ADK: variants seen among roughly 807,000 people sequenced by gnomAD.
The protein encoded by ADK is N6,N6-dimethyladenosine kinase.
Under a neutral mutation model 44.7 loss-of-function variants are expected in ADK, and 24 were observed. That is an observed-to-expected ratio of 0.54 (90% CI 0.39 to 0.76). The LOEUF (loss-of-function observed/expected upper bound fraction) is 0.76, where lower values mean the gene tolerates loss of function less well. Ranked by LOEUF, ADK falls within the 30% of genes least tolerant of loss-of-function variation. ADK has a pLI of 0.00. For missense variants in ADK, 321 were observed against 425.1 expected (o/e 0.76, Z 2.15); for synonymous variants, 128 against 142.6 (o/e 0.90, Z 0.73).
At chr10:74,279,314 G>A (rs1287146484) in intron 3 of ADK, among the ~76,000 whole-genome samples, 1 of 151,618 alleles carries the variant, frequency 6.6e-6, no homozygotes, top group Non-Finnish European at 1.5e-5. Context: ...TTGAGGCCAG[G>A]TGCAGTGGCT....
intron 1 of ADK, among the ~76,000 whole-genome samples, chr10:74,200,040 T>C (rs539676282): frequency 6.6e-6 from 1 of 152,220 alleles, no homozygotes; most frequent in Admixed American, 6.5e-5. Context: ...GGATGGTAAT[T>C]ATATTTTAAG....
intron 3 of ADK, among the ~76,000 whole-genome samples, chr10:74,292,589 C>T (rs576856709): frequency 3.3e-5 from 5 of 152,144 alleles, no homozygotes; most frequent in Non-Finnish European, 5.9e-5. Context: ...AAACCTGTTC[C>T]ACCTGCAGCC....
chr10:74,312,634 C>T (rs1243336372), intron 3 of ADK, among the ~76,000 whole-genome samples: 1 of 151,236 alleles, frequency 6.6e-6, no homozygotes, highest in African/African-American at 2.4e-5. Context: ...GGGCCTGGCT[C>T]CATGGCTTGC....
chr10:74,531,294 C>T (rs1278853226), intron 7 of ADK, among the ~76,000 whole-genome samples: 2 of 152,086 alleles, frequency 1.3e-5, no homozygotes, highest in Non-Finnish European at 2.9e-5. Flanking sequence ...GTCTCATTAG[C>T]AGGTTAAAAT....
Position 74,299,159 on chromosome 10 carries a change from A to G in ADK, c.195-15508A>G, listed in dbSNP as rs548154465. Among the ~76,000 whole-genome samples the G allele has an allele frequency of 7.9e-5, 12 of 152,208 alleles. No homozygotes were observed. In the South Asian group the frequency reaches 2.5e-3, roughly 32 times the overall value. On this transcript the variant is annotated intron_variant, in intron 3 of 10. Coordinates refer to ENST00000539909, the MANE Select transcript of ADK (RefSeq NM_006721.4). ...AAAACACTAATTCAGCATAATCTGA[A>G]GTAGAATCTGTTAAGATGTGTTGCT...
At chr10:74,644,172 G>GTC (rs1853977033) in intron 9 of ADK, among the ~76,000 whole-genome samples, 1 of 152,162 alleles carries the variant, frequency 6.6e-6, no homozygotes, top group Non-Finnish European at 1.5e-5. Context: ...ATATTTTTCT[G>GTC]TCCTTCTGGA....
chr10:74,440,220 A>G (rs1845350501), intron 6 of ADK, among the ~76,000 whole-genome samples: 1 of 152,128 alleles, frequency 6.6e-6, no homozygotes, highest in Non-Finnish European at 1.5e-5. Flanking sequence ...ATAGCTTACC[A>G]CATAGTAATA....
intron 3 of ADK, among the ~76,000 whole-genome samples, chr10:74,306,802 C>T (rs11000978): frequency 0.64 from 97,912 of 151,922 alleles, 32,884 homozygotes; most frequent in Middle Eastern, 0.79. Context: ...CAGTGGTCTC[C>T]GCTCTGAAAC....
intron 10 of ADK, among the ~76,000 whole-genome samples, 172 bp from the exon 11 acceptor site, chr10:74,708,149 C>CG (rs1554901219): frequency 1.3e-3 from 64 of 49,778 alleles, no homozygotes; most frequent in Admixed American, 3.8e-3. Context: ...GACTCCATCT[C>CG]GGGGAAAAAA....
rs142062298 is a variant in ADK, at chr10:74,415,243, C to A, written c.555+16664C>A. On this transcript the variant is annotated intron_variant, in intron 6 of 10. Coordinates refer to ENST00000539909, the MANE Select transcript of ADK (RefSeq NM_006721.4). ...TTATGCAGAGCCCCAAATGAATTAA[C>A]AAATCATCTACTGAAATATTTTCAC... 5.4e-3 allele frequency among the ~76,000 whole-genome samples: 820 copies of A among 152,300 alleles called. 8 individuals are homozygous for A. Among genetic ancestry groups the A allele is most frequent in the African/African-American group, 0.018 (761 of 41,574 alleles).
At chr10:74,458,691 A>C (rs537234067) in intron 6 of ADK, among the ~76,000 whole-genome samples, 23 of 152,238 alleles carry the variant, frequency 1.5e-4, no homozygotes, top group South Asian at 6.2e-4. Flanking sequence ...CACCGGTACT[A>C]TCAGCTTTCA....
chr10:74,708,307 TG>T lies in ADK; in HGVS notation c.965-13del, dbSNP rs746145837. ...TATACAATACTCATGTGTTTTTTTT[TG>T]CCTGTGTTCTAGGTTTTCTGTCTCA... On this transcript the variant is annotated splice_polypyrimidine_tract_variant and intron_variant, in intron 10 of 10. Transcript: ENST00000539909. The T allele has an allele frequency of 6.2e-7, 1 of 1,609,380 alleles. No individual in the cohort carries two copies. Among genetic ancestry groups the T allele is most frequent in the Admixed American group, 1.7e-5 (1 of 59,960 alleles).
chr10:74,594,600 G>A (rs543055440), intron 8 of ADK, among the ~76,000 whole-genome samples: 84 of 147,594 alleles, frequency 5.7e-4, no homozygotes, highest in African/African-American at 2.1e-3. Context: ...TCTCAGACTA[G>A]ATAAAAAAAC....
chr10:74,679,483 T>G (rs1855522280), intron 10 of ADK, among the ~76,000 whole-genome samples: 1 of 152,176 alleles, frequency 6.6e-6, no homozygotes, highest in Non-Finnish European at 1.5e-5. Context: ...CCCTAAAATC[T>G]TTTGGGCAAG....
chr10:74,567,208 T>A (rs1444960985), intron 7 of ADK, among the ~76,000 whole-genome samples: 1 of 152,208 alleles, frequency 6.6e-6, no homozygotes, highest in East Asian at 1.9e-4. Context: ...TTACACTGTA[T>A]CTTGGAATTT....
chr10:74,243,443 A>G lies in ADK; in HGVS notation c.194+18852A>G, dbSNP rs185764031. Among the ~76,000 whole-genome samples, 332 of 152,258 alleles carry G rather than the reference A, an allele frequency of 2.2e-3. 2 individuals are homozygous for G. The highest frequency in any genetic ancestry group is 7.6e-3 in the African/African-American group (314 of 41,548). On this transcript the variant is annotated intron_variant, in intron 3 of 10. Coordinates refer to ENST00000539909, the MANE Select transcript of ADK (RefSeq NM_006721.4). ...TCTTATTTCTTCTGATTTTGTTTTC[A>G]GTTTGTTTATATTCCTTTCCATAGG...
At chr10:74,509,703 G>A (rs1397883235) in intron 6 of ADK, among the ~76,000 whole-genome samples, 1 of 151,870 alleles carries the variant, frequency 6.6e-6, no homozygotes, top group African/African-American at 2.4e-5. Flanking sequence ...TGTAATTTTG[G>A]TATCCTTTAA....
intron 4 of ADK, among the ~76,000 whole-genome samples, chr10:74,321,334 A>G (rs569821559): frequency 1.3e-5 from 2 of 151,880 alleles, no homozygotes; most frequent in Non-Finnish European, 2.9e-5. Flanking sequence ...CCCAGGCTGG[A>G]GTGCAGTGGT....
At chr10:74,622,464 C>G (rs1029485714) in intron 9 of ADK, among the ~76,000 whole-genome samples, 4 of 151,992 alleles carry the variant, frequency 2.6e-5, no homozygotes, top group Non-Finnish European at 5.9e-5. Context: ...TTTTTATGGT[C>G]TGGGAATTGG....
Sources: allele counts gnomAD v4.1 joint callset (sites outside exome capture counted in the v4.1 genomes callset), GRCh38; gene constraint gnomAD v4.1.1; transcripts MANE v1.5; gene names NCBI Gene and HGNC (gene_info 2026-07-23, HGNC 2026-07-21).